The following PRR16 variants were observed in gnomAD, a reference collection of about 807,000 sequenced individuals.
The protein encoded by PRR16 is protein Largen.
A neutral mutation model predicts 18.2 loss-of-function variants in PRR16; 6 were observed. The ratio of observed to expected loss-of-function variants is 0.33; its 90% CI spans 0.18 to 0.65. PRR16 has a LOEUF of 0.65. PRR16 is among the 30% of genes least tolerant of loss of function. The probability of loss-of-function intolerance (pLI) is 0.74; values close to 1 mark genes in which losing one functional copy is unlikely to be tolerated. For synonymous variants in PRR16, 151 were observed against 147.8 expected (o/e 1.02, Z -0.16); for missense variants, 412 against 376.6 (o/e 1.09, Z -0.78).
intron 1 of PRR16, among the ~76,000 whole-genome samples, chr5:120,487,803 T>A (rs1334370182): frequency 6.6e-6 from 1 of 152,214 alleles, no homozygotes; most frequent in East Asian, 1.9e-4. Flanking sequence ...ATAGCTCTTA[T>A]TATTTTGAGA....
intron 1 of PRR16, among the ~76,000 whole-genome samples, chr5:120,646,389 T>C (rs1314707364): frequency 6.6e-6 from 1 of 151,934 alleles, no homozygotes; most frequent in Admixed American, 6.6e-5. Flanking sequence ...TGAATGGTTT[T>C]GGAGACTTTG....
At chr5:120,619,759 CAATT>C (rs891259280) in intron 1 of PRR16, among the ~76,000 whole-genome samples, 2 of 151,910 alleles carry the variant, frequency 1.3e-5, no homozygotes, top group South Asian at 2.1e-4. Flanking sequence ...CTAATCTAAT[CAATT>C]AATTATTTTA....
At chr5:120,594,735 G>C (rs9717027) in intron 1 of PRR16, among the ~76,000 whole-genome samples, 2 of 151,964 alleles carry the variant, frequency 1.3e-5, no homozygotes, top group African/African-American at 4.8e-5. Flanking sequence ...AGCCAAAACA[G>C]CATGGTACTT....
At chr5:120,583,805 A>G (rs1753350495) in intron 1 of PRR16, among the ~76,000 whole-genome samples, 1 of 152,158 alleles carries the variant, frequency 6.6e-6, no homozygotes, top group Admixed American at 6.5e-5. Flanking sequence ...TTACAAAGGG[A>G]TCTCAGACCA....
intron 1 of PRR16, chr5:120,618,489 T>C: frequency 1.0e-6 from 1 of 968,896 alleles, no homozygotes; most frequent in Non-Finnish European, 1.2e-6. Flanking sequence ...TAATGTGTTC[T>C]AATTGTTGTA....
chr5:120,752,654 A>C, the PRR16 span, among the ~76,000 whole-genome samples: 1 of 152,012 alleles, frequency 6.6e-6, no homozygotes, highest in South Asian at 2.1e-4. Context: ...GTAACAGGAT[A>C]AAAAGTCATA....
At chr5:120,599,961 C>T (rs1328367655) in intron 1 of PRR16, among the ~76,000 whole-genome samples, 3 of 151,852 alleles carry the variant, frequency 2.0e-5, no homozygotes, top group African/African-American at 7.2e-5. Context: ...CAGCCTTCAC[C>T]TGTGAATGAC....
intron 1 of PRR16, among the ~76,000 whole-genome samples, chr5:120,683,952 G>A (rs1757046328): frequency 6.6e-6 from 1 of 150,946 alleles, no homozygotes; most frequent in South Asian, 2.1e-4. Context: ...AAGTCATTGA[G>A]ACTACTGAAA....
chr5:120,767,471 T>G, the PRR16 span, among the ~76,000 whole-genome samples: 1 of 151,846 alleles, frequency 6.6e-6, no homozygotes, highest in South Asian at 2.1e-4. Flanking sequence ...TGGGGCAAAG[T>G]GATGTCAGGA....
chr5:120,561,083 G>T (rs1033878675), intron 1 of PRR16, among the ~76,000 whole-genome samples: 15 of 150,754 alleles, frequency 9.9e-5, no homozygotes, highest in African/African-American at 3.7e-4. Flanking sequence ...TTGCTTTGTT[G>T]ATTTTTTTGT....
the PRR16 span, among the ~76,000 whole-genome samples, chr5:120,751,043 T>C: frequency 3.0e-4 from 45 of 152,302 alleles, no homozygotes; most frequent in African/African-American, 1.1e-3. Context: ...GTGATATTTG[T>C]CTTTCTGTGA....
chr5:120,704,019 A>C, the PRR16 span, among the ~76,000 whole-genome samples: 2 of 152,214 alleles, frequency 1.3e-5, no homozygotes, highest in Admixed American at 6.5e-5. Flanking sequence ...TTAGGTAGAC[A>C]AATAGAATTT....
At chr5:120,671,975 A>T (rs923855070) in intron 1 of PRR16, among the ~76,000 whole-genome samples, 2 of 152,168 alleles carry the variant, frequency 1.3e-5, no homozygotes, top group East Asian at 3.8e-4. Context: ...TGATTCTTGT[A>T]TGTTTATTGT....
the PRR16 span, among the ~76,000 whole-genome samples, chr5:120,772,115 A>G: frequency 6.6e-6 from 1 of 152,096 alleles, no homozygotes; most frequent in Non-Finnish European, 1.5e-5. Flanking sequence ...AATATCATGT[A>G]CCTGCCATGT....
the PRR16 span, among the ~76,000 whole-genome samples, chr5:120,744,981 A>T: frequency 6.6e-6 from 1 of 152,160 alleles, no homozygotes; most frequent in Non-Finnish European, 1.5e-5. Context: ...TTCAGGTTTC[A>T]AGGAACACCT....
intron 1 of PRR16, among the ~76,000 whole-genome samples, chr5:120,642,773 A>G (rs1032194524): frequency 5.9e-5 from 9 of 152,046 alleles, no homozygotes; most frequent in Non-Finnish European, 1.3e-4. Flanking sequence ...TCCATGTCAC[A>G]TTACCACTGC....
the PRR16 span, among the ~76,000 whole-genome samples, chr5:120,775,528 T>G: frequency 1.3e-5 from 2 of 152,286 alleles, no homozygotes; most frequent in African/African-American, 4.8e-5. Flanking sequence ...AATAGTTTCC[T>G]AACCTGCTAT....
At chr5:120,467,087 G>T (rs1749128470) in intron 1 of PRR16, among the ~76,000 whole-genome samples, 1 of 152,164 alleles carries the variant, frequency 6.6e-6, no homozygotes, top group African/African-American at 2.4e-5. Flanking sequence ...TCCTGCATAT[G>T]TGAGTGAACA....
intron 1 of PRR16, among the ~76,000 whole-genome samples, chr5:120,664,952 A>C (rs148660787): frequency 0.31 from 46,411 of 151,438 alleles, 7,567 homozygotes; most frequent in Middle Eastern, 0.44. Context: ...TGTGATTTAT[A>C]GTCCTTTGGG....
Sources: gnomAD v4.1 joint callset for allele counts (sites outside exome capture counted in the v4.1 genomes callset) on GRCh38, gnomAD v4.1.1 for gene constraint, MANE v1.5 for transcripts, NCBI Gene and HGNC (gene_info 2026-07-23, HGNC 2026-07-21) for gene names.